PIK3CA: variants seen among roughly 807,000 people sequenced by gnomAD.
The protein encoded by PIK3CA is phosphatidylinositol-4,5-bisphosphate 3-kinase catalytic subunit alpha.
In PIK3CA, 27 loss-of-function variants were observed where a neutral mutation model predicts 138.2. The observed-to-expected ratio is 0.20, with a 90% CI of 0.14 to 0.27. The LOEUF (loss-of-function observed/expected upper bound fraction) is 0.27. Among genes scored for constraint, PIK3CA ranks in the 10% least tolerant of loss-of-function variants. PIK3CA has a pLI of 1.00. For synonymous variants in PIK3CA, 358 were observed against 413.2 expected, an observed-to-expected ratio of 0.87 and a Z score of 1.62; for missense variants, 544 against 1,277.4, an observed-to-expected ratio of 0.43 and a Z score of 8.75.
At chr3:179,149,680 G>A (rs1722959665) in intron 1 of PIK3CA, 1 of 152,216 alleles carries the variant, frequency 6.6e-6, no homozygotes, top group Non-Finnish European at 1.5e-5. Flanking sequence ...TTGAATCATA[G>A]TTTGTGTGGC....
chr3:179,152,288 A>G (rs1723032848), intron 1 of PIK3CA, among the ~76,000 whole-genome samples: 1 of 152,220 alleles, frequency 6.6e-6, no homozygotes, highest in African/African-American at 2.4e-5. Context: ...TATCATATAT[A>G]GTACTGCACT....
chr3:179,167,693 C>A (rs951726852), intron 1 of PIK3CA, among the ~76,000 whole-genome samples: 1 of 152,070 alleles, frequency 6.6e-6, no homozygotes, highest in Non-Finnish European at 1.5e-5. Flanking sequence ...TAGAGTGCTA[C>A]AGTTGGATTT....
rs1021854283 is a variant in PIK3CA, at chr3:179,198,790, T to C, written c.-36T>C. The C allele has an allele frequency of 8.4e-7, 1 of 1,192,906 alleles. No individual in the cohort carries two copies. The highest frequency in any genetic ancestry group is 2.4e-5 in the East Asian group (1 of 41,326). The allele number at this position is 1,192,906 out of a possible 1,614,324, so 73.9% of individuals were successfully genotyped here. ...CAACCATACATCTAATTCCTTAAAG[T>C]AGTTTTATATGTAAAACTTGCAAAG... is the stretch of plus-strand genomic sequence containing the variant. On this transcript the variant is annotated 5_prime_UTR_variant, in exon 2 of 21. It removes the in-frame stop codon of an upstream open reading frame in the 5' UTR. Coordinates refer to ENST00000263967, the MANE Select transcript of PIK3CA (RefSeq NM_006218.4).
chr3:179,230,013 A>T lies in PIK3CA; in HGVS notation c.2676A>T (p.Ala892=), dbSNP rs2108423979. 1 of 1,609,722 alleles carries T rather than the reference A, an allele frequency of 6.2e-7. No individual in the cohort carries two copies. Among genetic ancestry groups the T allele is most frequent in the East Asian group, 2.2e-5 (1 of 44,816 alleles). ...KDKNKGEIYD[A]AIDLFTRSCA... ...TGTTTATTCTTTGTAGATATGATGC[A>T]GCCATTGACCTGTTTACACGTTCAT... Residue 892 remains alanine, a synonymous_variant, in exon 19 of 21, where the codon GCA becomes GCT. Coordinates refer to ENST00000263967, the MANE Select transcript of PIK3CA (RefSeq NM_006218.4). The surrounding 1 kb of genome is among the most constrained non-coding windows in gnomAD (Gnocchi z 5.4).
At position 179,218,197 on chromosome 3, in the gene PIK3CA, T is replaced by C. The variant is rs202010325; in HGVS notation, c.1540-13T>C. ...ACAAAGAAAGCTATATAAGATATTA[T>C]TTTATTTTACAGAGTAACAGACTAG... On this transcript the variant is annotated splice_polypyrimidine_tract_variant and intron_variant, in intron 9 of 20. Coordinates refer to ENST00000263967, the MANE Select transcript of PIK3CA (RefSeq NM_006218.4). 27 of 1,546,368 alleles carry C rather than the reference T, an allele frequency of 1.7e-5. No individual in the cohort carries two copies. Among genetic ancestry groups the C allele is most frequent in the Admixed American group, 5.7e-5 (3 of 52,202 alleles).
In PIK3CA at chr3:179,219,479, T is replaced by C; in HGVS notation, c.1747-92T>C. The C allele has an allele frequency of 1.5e-6, 1 of 679,536 alleles. No homozygotes were observed. The highest frequency in any genetic ancestry group is 2.7e-5 in the East Asian group (1 of 36,676). 42.1% of individuals were successfully genotyped at this position (679,536 alleles called of 1,614,324 possible). ...AAGGAGATTATTTATCTAAACTAAT[T>C]TTAAAATCAGAAGTTAAGGCAGTGT... is the stretch of plus-strand genomic sequence containing the variant. On this transcript the variant is annotated intron_variant, in intron 11 of 20. Transcript: ENST00000263967. The surrounding 1 kb of genome is among the most constrained non-coding windows in gnomAD (Gnocchi z 4.2).
chr3:179,225,552 A>G (rs1035944623), intron 16 of PIK3CA, among the ~76,000 whole-genome samples: 4 of 152,178 alleles, frequency 2.6e-5, no homozygotes, highest in African/African-American at 9.6e-5. Context: ...TTTTTGTGAG[A>G]TGCATGCTCA....
At chr3:179,190,673 G>T (rs1253618026) in intron 1 of PIK3CA, among the ~76,000 whole-genome samples, 1 of 152,012 alleles carries the variant, frequency 6.6e-6, no homozygotes, top group East Asian at 1.9e-4. Context: ...GTTGTAGGGG[G>T]GTGAAAGAAC....
intron 1 of PIK3CA, among the ~76,000 whole-genome samples, chr3:179,197,585 G>GTCC (rs1248250336): frequency 1.3e-5 from 2 of 152,180 alleles, no homozygotes; most frequent in Non-Finnish European, 2.9e-5. Flanking sequence ...ATCCAACATA[G>GTCC]TCCTGGGGAC....
chr3:179,188,741 C>A lies in PIK3CA; in HGVS notation c.-76-10009C>A, dbSNP rs963774920. Among the ~76,000 whole-genome samples, 9 of 152,094 alleles carry A rather than the reference C, an allele frequency of 5.9e-5. 1 individual carries two copies. Among genetic ancestry groups the A allele is most frequent in the African/African-American group, 2.2e-4 (9 of 41,406 alleles). ...AGAAAACTCTTTATCACTGTGGAAT[C>A]ATTTGTATCCTATTAAATGGTATAT... On this transcript the variant is annotated intron_variant, in intron 1 of 20. Coordinates refer to ENST00000263967, the MANE Select transcript of PIK3CA (RefSeq NM_006218.4).
intron 20 of PIK3CA, among the ~76,000 whole-genome samples, chr3:179,232,857 CT>C (rs923777339): frequency 2.7e-5 from 4 of 150,668 alleles, no homozygotes; most frequent in Non-Finnish European, 3.0e-5. Context: ...ATCTAGGAGT[CT>C]TTTTTTTTAT....
At chr3:179,229,474 A>G in intron 18 of PIK3CA, 32 bp downstream of exon 18, 1 of 1,565,108 alleles carries the variant, frequency 6.4e-7, no homozygotes, top group Non-Finnish European at 8.7e-7. Context: ...TCCTATGTTA[A>G]TCTAAGTTTT....
At position 179,185,343 on chromosome 3, in the gene PIK3CA, G is replaced by C. The variant is rs149365945; in HGVS notation, c.-76-13407G>C. 6.3e-3 allele frequency among the ~76,000 whole-genome samples: 953 copies of C among 152,248 alleles called. 8 individuals carry two copies. Among genetic ancestry groups the C allele is most frequent in the African/African-American group, 0.021 (885 of 41,554 alleles). On this transcript the variant is annotated intron_variant, in intron 1 of 20. Transcript: ENST00000263967. ...ATATTGCTAATATTACCTTTTTCTA[G>C]ATTCTGTAGAAATAAACCATTTTTC...
intron 1 of PIK3CA, among the ~76,000 whole-genome samples, chr3:179,152,874 A>C (rs149364489): frequency 1.2e-4 from 18 of 152,288 alleles, no homozygotes; most frequent in Middle Eastern, 3.4e-3. Flanking sequence ...TATGCCTGGA[A>C]GTTTCAACCA....
chr3:179,148,817 T>TC (rs1223889989), intron 1 of PIK3CA, among the ~76,000 whole-genome samples: 2 of 152,046 alleles, frequency 1.3e-5, no homozygotes, highest in African/African-American at 4.8e-5. Context: ...GGCTCGCCGC[T>TC]CCCTCTCCTT....
intron 1 of PIK3CA, among the ~76,000 whole-genome samples, chr3:179,162,491 C>CT: frequency 6.6e-6 from 1 of 152,024 alleles, no homozygotes; most frequent in South Asian, 2.1e-4. Flanking sequence ...GATTACATGC[C>CT]TAAGTTAGAC....
At position 179,148,377 on chromosome 3, in the gene PIK3CA, G is replaced by GGCCGCTGAGGTGTCGGGCTGCTGCT. The variant is rs1722907961; in HGVS notation, c.-297_-273dup. The stretch of plus-strand genomic sequence containing the variant: ...GCGGCAGTTCCGGTGCCGCCGCTGC[G>GGCCGCTGAGGTGTCGGGCTGCTGCT]GCCGCTGAGGTGTCGGGCTGCTGCT... On this transcript the variant is annotated 5_prime_UTR_variant, in exon 1 of 21. Coordinates refer to ENST00000263967, the MANE Select transcript of PIK3CA (RefSeq NM_006218.4). 1.3e-5 allele frequency: 2 copies of GGCCGCTGAGGTGTCGGGCTGCTGCT among 151,606 alleles called. No individual in the cohort carries two copies. Among genetic ancestry groups the GGCCGCTGAGGTGTCGGGCTGCTGCT allele is most frequent in the East Asian group, 1.9e-4 (1 of 5,140 alleles). The allele number at this position is 151,606 out of a possible 1,614,324, so 9.4% of individuals were successfully genotyped here.
At chr3:179,217,191 T>G (rs1304916673) in intron 9 of PIK3CA, among the ~76,000 whole-genome samples, 3 of 152,140 alleles carry the variant, frequency 2.0e-5, no homozygotes, top group African/African-American at 7.2e-5. Context: ...TTCCCAAATC[T>G]TAGTGTGGAT....
intron 3 of PIK3CA, among the ~76,000 whole-genome samples, chr3:179,200,345 A>G (rs1463358022): frequency 1.3e-5 from 2 of 152,052 alleles, no homozygotes; most frequent in African/African-American, 4.8e-5. Context: ...ATCATGGGTG[A>G]TAATATATAG....
Sources: gnomAD v4.1 joint callset for allele counts (sites outside exome capture counted in the v4.1 genomes callset) on GRCh38, gnomAD v4.1.1 for gene constraint, Gnocchi (gnomAD v3.1) non-coding constraint, MANE v1.5 for transcripts, NCBI Gene and HGNC (gene_info 2026-07-23, HGNC 2026-07-21) for gene names.